The following SNIP1 variants were observed in gnomAD, a reference collection of about 807,000 sequenced individuals.
SNIP1 encodes smad nuclear-interacting protein 1.
A neutral mutation model predicts 37.4 loss-of-function variants in SNIP1; 23 were observed. The ratio of observed to expected loss-of-function variants is 0.61; its 90% CI spans 0.44 to 0.87. The LOEUF is 0.87. Ranked by LOEUF, SNIP1 falls within the 40% of genes least tolerant of loss-of-function variation. The pLI is 0.00. For missense variants in SNIP1, 459 were observed against 540.4 expected (o/e 0.85, Z 1.49); for synonymous variants, 174 against 200.0 (o/e 0.87, Z 1.10).
chr1:37,549,345 T>C (rs1408730386), intron 2 of SNIP1, among the ~76,000 whole-genome samples: 1 of 152,166 alleles, frequency 6.6e-6, no homozygotes, highest in African/African-American at 2.4e-5. Flanking sequence ...GATTAGAAGA[T>C]TTAACATAGT....
intron 2 of SNIP1, among the ~76,000 whole-genome samples, chr1:37,551,224 C>T (rs1288362625): frequency 3.4e-5 from 5 of 148,778 alleles, no homozygotes; most frequent in Non-Finnish European, 4.4e-5. Context: ...GAGCCGAGAT[C>T]GTGCCACTGC....
chr1:37,540,517 T>G lies in SNIP1; in HGVS notation c.566A>C (p.His189Pro). The change falls in exon 3 of 4, where the codon CAT becomes CCT. Residue 189 changes from histidine (H) to proline (P), a missense_variant. Physicochemically the swap from His to Pro is moderately conservative, Grantham distance 77. Coordinates refer to ENST00000296215, the MANE Select transcript of SNIP1 (RefSeq NM_024700.4). This position sits in a 1 kb window ranked among gnomAD's most constrained non-coding sequence, Gnocchi z 5.6. ...ACCACCAACGTCATTCCTCTGGCGA[T>G]GCTCCCGTCGCCTGGCATTATAAAA... ...REFYNARRRE[H>P]RQRNDVGGGG... 1 of 1,614,164 alleles carries G rather than the reference T, an allele frequency of 6.2e-7. No individual in the cohort carries two copies. The highest frequency in any genetic ancestry group is 8.5e-7 in the Non-Finnish European group (1 of 1,180,010).
At chr1:37,551,269 C>CAAA (rs56350752) in intron 2 of SNIP1, among the ~76,000 whole-genome samples, 1 of 108,348 alleles carries the variant, frequency 9.2e-6, no homozygotes, top group Non-Finnish European at 1.9e-5. Context: ...GACTCTGTCT[C>CAAA]AAAAAAAAAA....
chr1:37,551,579 G>A (rs1346891050), intron 2 of SNIP1, among the ~76,000 whole-genome samples: 1 of 152,132 alleles, frequency 6.6e-6, no homozygotes, highest in Non-Finnish European at 1.5e-5. Context: ...ATCCAATATG[G>A]CTGAGAAAAG....
At position 37,537,948 on chromosome 1, in the gene SNIP1, G is replaced by A; in HGVS notation, c.991C>T (p.Leu331Phe). 1 of 1,614,154 alleles carries A rather than the reference G, an allele frequency of 6.2e-7. No homozygotes were observed. The highest frequency in any genetic ancestry group is 8.5e-7 in the Non-Finnish European group (1 of 1,180,020). Residue 331 changes from leucine to phenylalanine, a missense_variant, in exon 4 of 4, where the codon CTT becomes TTT. Transcript: ENST00000296215. ...AAGAAGGTTCCATTGCCTGAGCCAA[G>A]GTCAATGATGTAGGGCTTCACTCTT... ...GRRVKPYIID[L>F]GSGNGTFLNN...
At chr1:37,545,892 A>T (rs1455933871) in intron 2 of SNIP1, among the ~76,000 whole-genome samples, 1 of 152,164 alleles carries the variant, frequency 6.6e-6, no homozygotes, top group African/African-American at 2.4e-5. Context: ...TGAAAATAAC[A>T]AGTATTGGCA....
chr1:37,539,994 A>C (rs1335097188), intron 3 of SNIP1, among the ~76,000 whole-genome samples, 163 bp downstream of exon 3: 1 of 152,206 alleles, frequency 6.6e-6, no homozygotes, highest in African/African-American at 2.4e-5. Flanking sequence ...GTTCTTATAA[A>C]TATGTAAGCA....
At chr1:37,542,057 A>G (rs576223968) in intron 2 of SNIP1, among the ~76,000 whole-genome samples, 1 of 152,148 alleles carries the variant, frequency 6.6e-6, no homozygotes, top group Non-Finnish European at 1.5e-5. Flanking sequence ...CTTTTCGTTT[A>G]AAGGAAGCAC....
In SNIP1 at chr1:37,535,853, G is replaced by C; in HGVS notation, c.*1895C>G. 6.6e-6 allele frequency: 1 copy of C among 151,240 alleles called. No individual in the cohort carries two copies. The highest frequency in any genetic ancestry group is 2.4e-5 in the African/African-American group (1 of 41,024). 9.4% of individuals were successfully genotyped at this position (151,240 alleles called of 1,614,324 possible). ...TGAGACAGAGTCTCGCTGTCACCCA[G>C]GCTGGAGTGCAGTGGCACAATCTCA... On this transcript the variant is annotated 3_prime_UTR_variant, in exon 4 of 4. Transcript: ENST00000296215.
chr1:37,537,572 TAGTC>T lies in SNIP1; in HGVS notation c.*172_*175del, dbSNP rs1643113560. 3.0e-6 allele frequency: 2 copies of T among 664,810 alleles called. No individual in the cohort carries two copies. Among genetic ancestry groups the T allele is most frequent in the East Asian group, 2.7e-5 (1 of 37,128 alleles). 41.2% of individuals were successfully genotyped at this position (664,810 alleles called of 1,614,324 possible). The stretch of plus-strand genomic sequence containing the variant: ...GCCACAGAAAAAGTTTAACAAACAT[TAGTC>T]AGTGTATTCAAATGGTAACACAATC... On this transcript the variant is annotated 3_prime_UTR_variant, in exon 4 of 4. Coordinates refer to ENST00000296215, the MANE Select transcript of SNIP1 (RefSeq NM_024700.4).
intron 2 of SNIP1, chr1:37,541,658 T>G (rs1236477945): frequency 1.2e-5 from 1 of 82,502 alleles, no homozygotes; most frequent in African/African-American, 3.8e-5. Context: ...GTGAAACTCC[T>G]TCTCAAAAAA....
intron 2 of SNIP1, among the ~76,000 whole-genome samples, chr1:37,551,563 G>A (rs780574734): frequency 6.6e-5 from 10 of 152,138 alleles, no homozygotes; most frequent in Non-Finnish European, 1.5e-4. Context: ...TGAGGGTAGG[G>A]CCCTAATCCA....
In SNIP1 at chr1:37,537,885, G is replaced by C. The variant is rs1643118461; in HGVS notation, c.1054C>G (p.Leu352Val). Reference sequence around the variant, plus strand: ...AATTTGAGTACATCCTTTTCTTTTAGTTCATAGTATCTCTGTGGCTCAATA... The same window carrying C: ...AATTTGAGTACATCCTTTTCTTTTACTTCATAGTATCTCTGTGGCTCAATA... ...KRIEPQRYYE[L>V]KEKDVLKFGF... is the part of the protein sequence containing the mutation. Residue 352 changes from leucine to valine, a missense_variant, in exon 4 of 4, where the codon CTA (leucine) becomes GTA (valine). By Grantham distance (32) the Leu-to-Val change is conservative. Transcript: ENST00000296215. 6.2e-7 allele frequency: 1 copy of C among 1,614,122 alleles called. No homozygotes were observed. The highest frequency in any genetic ancestry group is 8.5e-7 in the Non-Finnish European group (1 of 1,180,030).
rs61745973 is a variant in SNIP1 at position 37,540,504 on chromosome 1, A to C, written c.579T>G (p.Asn193Lys). The C allele has an allele frequency of 3.9e-4, 630 of 1,614,088 alleles. 1 individual carries two copies. The African/African-American group carries it at 7.4e-3, about 19-fold the overall frequency. The change falls in exon 3 of 4, where the codon AAT becomes AAG. Residue 193 changes from asparagine to lysine, a missense_variant. Coordinates refer to ENST00000296215, the MANE Select transcript of SNIP1 (RefSeq NM_024700.4). The surrounding 1 kb of genome is among the most constrained non-coding windows in gnomAD (Gnocchi z 5.6). The stretch of plus-strand genomic sequence containing the variant: ...ACTCACTGCCGCCACCACCAACGTC[A>C]TTCCTCTGGCGATGCTCCCGTCGCC... ...NARRREHRQRNDVGGGGSESQ... is the reference protein window; with the variant it reads ...NARRREHRQRKDVGGGGSESQ...
intron 2 of SNIP1, chr1:37,544,983 G>A: frequency 1.3e-6 from 1 of 773,012 alleles, no homozygotes; most frequent in Non-Finnish European, 2.3e-6. Flanking sequence ...CAATGAGGTG[G>A]CTGAATCTTC....
chr1:37,548,744 G>GA (rs1033666555), intron 2 of SNIP1: 1,701 of 96,748 alleles, frequency 0.018, 15 homozygotes, highest in African/African-American at 0.042. Context: ...AAAAAAAAAA[G>GA]AAAAAAAAAA....
At chr1:37,545,175 G>T (rs1467769258) in intron 2 of SNIP1, 24 of 706,784 alleles carry the variant, frequency 3.4e-5, no homozygotes, top group South Asian at 3.1e-4. Flanking sequence ...TGAATGAGCA[G>T]GGGAAATCCA....
intron 3 of SNIP1, 143 bp from the exon 4 acceptor site, chr1:37,538,155 G>T: frequency 2.0e-6 from 2 of 996,952 alleles, no homozygotes; most frequent in Non-Finnish European, 2.8e-6. Context: ...GGGAATCAAA[G>T]AAATCAAGGG....
intron 1 of SNIP1, among the ~76,000 whole-genome samples, chr1:37,553,035 G>A (rs994823106): frequency 2.2e-4 from 34 of 152,034 alleles, no homozygotes; most frequent in African/African-American, 8.2e-4. Flanking sequence ...TCGCTGATTG[G>A]CATCACCATC....
Sources: gnomAD v4.1 joint callset for allele counts (sites outside exome capture counted in the v4.1 genomes callset) on GRCh38, gnomAD v4.1.1 for gene constraint, Gnocchi (gnomAD v3.1) non-coding constraint, MANE v1.5 for transcripts, NCBI Gene and HGNC (gene_info 2026-07-23, HGNC 2026-07-21) for gene names.